The following ASB2 variants were observed in gnomAD, a reference collection of about 807,000 sequenced individuals.
The protein encoded by ASB2 is ankyrin repeat and SOCS box protein 2.
A neutral mutation model predicts 62.4 loss-of-function variants in ASB2; 58 were observed. The ratio of observed to expected loss-of-function variants is 0.93; its 90% CI spans 0.75 to 1.16. ASB2 has a LOEUF of 1.16. ASB2 is among the 50% of genes most tolerant of loss of function. ASB2 has a pLI of 0.00. For missense variants in ASB2, 928 were observed against 887.9 expected (o/e 1.05, Z -0.57); for synonymous variants, 386 against 385.3 (o/e 1.00, Z -0.02).
At chr14:93,966,835 T>C (rs1373629238) in intron 1 of ASB2, among the ~76,000 whole-genome samples, 2 of 152,176 alleles carry the variant, frequency 1.3e-5, no homozygotes, top group South Asian at 2.1e-4. Flanking sequence ...AATGCAATGC[T>C]AGAGGCTTCT....
chr14:93,941,604 AG>A, intron 7 of ASB2: 1 of 455,882 alleles, frequency 2.2e-6, no homozygotes, highest in Non-Finnish European at 4.4e-6. Flanking sequence ...TGCTGGTCAA[AG>A]GCAGGCCTGG....
chr14:93,937,606 A>C, intron 9 of ASB2, 92 bp downstream of exon 9: 1 of 1,296,128 alleles, frequency 7.7e-7, no homozygotes, highest in South Asian at 1.6e-5. Context: ...GCAGGTGCTC[A>C]CAGGGTTAGG....
At chr14:93,971,543 C>A (rs1349468965) in intron 1 of ASB2, among the ~76,000 whole-genome samples, 2 of 152,172 alleles carry the variant, frequency 1.3e-5, no homozygotes, top group Admixed American at 1.3e-4. Flanking sequence ...TTAGGGTTCA[C>A]TTGTACCTTT....
chr14:93,968,159 G>C (rs1889649129), intron 1 of ASB2: 1 of 152,188 alleles, frequency 6.6e-6, no homozygotes, highest in Non-Finnish European at 1.5e-5. Flanking sequence ...AGGCAGCCAG[G>C]TAATGGTCAC....
intron 2 of ASB2, among the ~76,000 whole-genome samples, chr14:93,959,667 G>A (rs753286219): frequency 7.2e-5 from 11 of 152,156 alleles, no homozygotes; most frequent in Admixed American, 5.2e-4. Context: ...GTTCTGGGGT[G>A]GAGAATGTGT....
intron 1 of ASB2, among the ~76,000 whole-genome samples, chr14:93,971,210 C>T (rs1889747600): frequency 6.6e-6 from 1 of 152,232 alleles, no homozygotes; most frequent in Non-Finnish European, 1.5e-5. Flanking sequence ...TGTCAGCTCC[C>T]CGGGCTGTGC....
chr14:93,955,353 C>T (rs1889148802), intron 3 of ASB2: 1 of 354,834 alleles, frequency 2.8e-6, no homozygotes, highest in South Asian at 2.1e-5. Flanking sequence ...CTCTCAGACT[C>T]TGTGGTTATT....
intron 2 of ASB2, among the ~76,000 whole-genome samples, chr14:93,959,113 G>A (rs561308369): frequency 6.6e-6 from 1 of 152,314 alleles, no homozygotes. Context: ...CGGGTGTGCT[G>A]TTCCCATTTT....
At chr14:93,957,458 C>G in intron 2 of ASB2, 1 of 934,442 alleles carries the variant, frequency 1.1e-6, no homozygotes, top group Non-Finnish European at 1.3e-6. Context: ...GGAAGGGCGT[C>G]GGAACCAGGG....
chr14:93,974,428 C>T (rs1889851003), intron 1 of ASB2, among the ~76,000 whole-genome samples: 1 of 152,226 alleles, frequency 6.6e-6, no homozygotes, highest in Admixed American at 6.5e-5. Flanking sequence ...CTGTGGGCAG[C>T]CTGATCCTCT....
chr14:93,974,831 T>G (rs959322393), intron 1 of ASB2, among the ~76,000 whole-genome samples: 7 of 152,248 alleles, frequency 4.6e-5, no homozygotes, highest in Non-Finnish European at 1.0e-4. Context: ...CTTGGGCCAG[T>G]GCTCAACAAA....
chr14:93,965,073 C>G (rs1889546364), intron 1 of ASB2, among the ~76,000 whole-genome samples: 1 of 152,180 alleles, frequency 6.6e-6, no homozygotes, highest in Non-Finnish European at 1.5e-5. Flanking sequence ...CAACTGTCCT[C>G]CCATCCCTCC....
At position 93,940,456 on chromosome 14, in the gene ASB2, G is replaced by A. The variant is rs548555610; in HGVS notation, c.1053-784C>T. ...AGCTGTCCCTATCTTGCTGTCCTGG[G>A]ACCCCAGTGGAGCCACGAGATCCTG... On this transcript the variant is annotated intron_variant, in intron 7 of 9. Transcript: ENST00000555019. 3.3e-5 allele frequency: 5 copies of A among 152,250 alleles called. No individual in the cohort carries two copies. In the East Asian group the frequency reaches 9.7e-4, roughly 29 times the overall value. 9.4% of individuals were successfully genotyped at this position (152,250 alleles called of 1,614,324 possible).
chr14:93,952,843 G>A (rs1261332597), intron 5 of ASB2, among the ~76,000 whole-genome samples: 1 of 152,242 alleles, frequency 6.6e-6, no homozygotes, highest in Non-Finnish European at 1.5e-5. Context: ...TACTGCTAGG[G>A]CAGCCAACAA....
chr14:93,938,353 C>A (rs112815965), intron 8 of ASB2, among the ~76,000 whole-genome samples: 1 of 150,034 alleles, frequency 6.7e-6, no homozygotes, highest in Non-Finnish European at 1.5e-5. Flanking sequence ...CATTCTCCTG[C>A]CTTAGCCTCC....
chr14:93,964,196 A>G, intron 2 of ASB2, 138 bp downstream of exon 2: 1 of 759,504 alleles, frequency 1.3e-6, no homozygotes, highest in Non-Finnish European at 2.2e-6. Context: ...AAGTTCAGAT[A>G]ACAAATGTAA....
Position 93,939,724 on chromosome 14 carries a change from G to C in ASB2, c.1053-52C>G, listed in dbSNP as rs571602006. On this transcript the variant is annotated intron_variant, in intron 7 of 9. Coordinates refer to ENST00000555019, the MANE Select transcript of ASB2 (RefSeq NM_001202429.2). ...TGAGGGGAGGGTCGGGGTGTGGACG[G>C]GTAGGGCCGGCCCCGCCAGCAGGAG... The C allele has an allele frequency of 3.6e-5, 47 of 1,311,918 alleles. 1 individual carries two copies. The South Asian group carries it at 7.5e-4, about 21-fold the overall frequency. The allele number at this position is 1,311,918 out of a possible 1,614,324, so 81.3% of individuals were successfully genotyped here. A position where few individuals can be genotyped will look rare whatever the true frequency, so the allele number is the denominator to read the frequency against.
Position 93,964,620 on chromosome 14 carries a change from G to A in ASB2, c.-73-8C>T. 1 of 1,365,464 alleles carries A rather than the reference G, an allele frequency of 7.3e-7. No individual in the cohort carries two copies. Among genetic ancestry groups the A allele is most frequent in the Non-Finnish European group, 1.0e-6 (1 of 992,950 alleles). 84.6% of individuals were successfully genotyped at this position (1,365,464 alleles called of 1,614,324 possible). On this transcript the variant is annotated splice_polypyrimidine_tract_variant and splice_region_variant and intron_variant, in intron 1 of 9. Transcript: ENST00000555019. ...ACAGCAAATCAGAAAACCCTGTGAGGAAACCAAAACCATCCTGGTCACGAA... is the reference window on the plus strand; with the variant it reads ...ACAGCAAATCAGAAAACCCTGTGAGAAAACCAAAACCATCCTGGTCACGAA...
chr14:93,934,912 G>A, intron 9 of ASB2, 120 bp from the exon 10 acceptor site: 2 of 789,302 alleles, frequency 2.5e-6, no homozygotes, highest in South Asian at 1.6e-5. Flanking sequence ...GAGAGGGAGT[G>A]CCTGCTGCTG....
Sources: allele counts gnomAD v4.1 joint callset (sites outside exome capture counted in the v4.1 genomes callset), GRCh38; gene constraint gnomAD v4.1.1; transcripts MANE v1.5; gene names NCBI Gene and HGNC (gene_info 2026-07-23, HGNC 2026-07-21).